Variants in CACNA2D3 observed in about 807,000 individuals in gnomAD.
CACNA2D3 encodes calcium voltage-gated channel auxiliary subunit alpha2delta 3.
In CACNA2D3, 60 loss-of-function variants were observed where a neutral mutation model predicts 160.6. That is an observed-to-expected ratio of 0.37 (90% CI 0.30 to 0.46). CACNA2D3 has a LOEUF of 0.46. CACNA2D3 is among the 20% of genes least tolerant of loss of function. CACNA2D3 has a pLI of 1.00. For synonymous variants in CACNA2D3, 558 were observed against 492.9 expected (o/e 1.13, Z -1.75); for missense variants, 1,205 against 1,365.0 (o/e 0.88, Z 1.85).
intron 5 of CACNA2D3, among the ~76,000 whole-genome samples, chr3:54,541,135 G>T (rs1170291334): frequency 4.0e-5 from 6 of 151,840 alleles, no homozygotes; most frequent in Non-Finnish European, 8.8e-5. Flanking sequence ...AAATTAGCCG[G>T]GCGTGGTGGC....
At chr3:54,626,316 G>T (rs188367726) in intron 9 of CACNA2D3, 695 of 1,551,142 alleles carry the variant, frequency 4.5e-4, no homozygotes, top group Non-Finnish European at 5.6e-4. Flanking sequence ...GGCTGATGCC[G>T]CTGTACAGTG....
At chr3:55,001,803 C>T (rs186605117) in intron 31 of CACNA2D3, among the ~76,000 whole-genome samples, 2 of 152,336 alleles carry the variant, frequency 1.3e-5, no homozygotes, top group East Asian at 1.9e-4. Context: ...CAGAACATCT[C>T]TGTAATTGTT....
chr3:54,922,863 A>G (rs1700894525), intron 27 of CACNA2D3, among the ~76,000 whole-genome samples: 1 of 151,994 alleles, frequency 6.6e-6, no homozygotes, highest in Admixed American at 6.6e-5. Context: ...TGAAGGCATC[A>G]CCATTTACTT....
chr3:54,455,385 A>G (rs1350888492), intron 4 of CACNA2D3, among the ~76,000 whole-genome samples: 1 of 152,086 alleles, frequency 6.6e-6, no homozygotes, highest in African/African-American at 2.4e-5. Flanking sequence ...ATGCCAGATT[A>G]TTTTGAGAGA....
chr3:54,987,648 T>G (rs1276968522), intron 30 of CACNA2D3, 35 bp from the exon 31 acceptor site: 1 of 1,413,302 alleles, frequency 7.1e-7, no homozygotes, highest in Non-Finnish European at 9.8e-7. Flanking sequence ...GCACATTATT[T>G]ATCTACACCT....
intron 9 of CACNA2D3, among the ~76,000 whole-genome samples, chr3:54,602,938 C>T (rs1335681482): frequency 6.6e-6 from 1 of 152,206 alleles, no homozygotes; most frequent in Admixed American, 6.5e-5. Context: ...AAAGCACCCA[C>T]CTCATAATCT....
chr3:54,715,367 C>T (rs1268090197), intron 11 of CACNA2D3, among the ~76,000 whole-genome samples: 3 of 152,168 alleles, frequency 2.0e-5, no homozygotes, highest in African/African-American at 7.2e-5. Flanking sequence ...TCTGGATGCA[C>T]CACACTCTAA....
At chr3:54,284,959 A>G (rs958218395) in intron 2 of CACNA2D3, among the ~76,000 whole-genome samples, 2 of 152,328 alleles carry the variant, frequency 1.3e-5, no homozygotes, top group Non-Finnish European at 2.9e-5. Flanking sequence ...ACCTACGAAG[A>G]TGGCCGAATA....
At chr3:54,813,945 G>A (rs1263457339) in intron 13 of CACNA2D3, among the ~76,000 whole-genome samples, 1 of 148,070 alleles carries the variant, frequency 6.8e-6, no homozygotes. Flanking sequence ...GCTCACAGCA[G>A]CCTCAACCTC....
At chr3:54,680,839 G>A (rs1295770547) in intron 11 of CACNA2D3, among the ~76,000 whole-genome samples, 1 of 152,194 alleles carries the variant, frequency 6.6e-6, no homozygotes, top group South Asian at 2.1e-4. Context: ...ATAATGGGTA[G>A]AAGTGAAAGA....
At chr3:54,967,681 G>A (rs1702182650) in intron 27 of CACNA2D3, among the ~76,000 whole-genome samples, 1 of 152,150 alleles carries the variant, frequency 6.6e-6, no homozygotes. Flanking sequence ...TTTACTTCCT[G>A]AGATGGTTTC....
intron 27 of CACNA2D3, among the ~76,000 whole-genome samples, chr3:54,948,044 C>T (rs1403141614): frequency 6.6e-6 from 1 of 152,178 alleles, no homozygotes; most frequent in Non-Finnish European, 1.5e-5. Context: ...TCCTTCAATA[C>T]AGGGCAGACC....
chr3:54,363,864 T>G (rs1698785305), intron 3 of CACNA2D3, among the ~76,000 whole-genome samples: 1 of 152,190 alleles, frequency 6.6e-6, no homozygotes, highest in Admixed American at 6.5e-5. Flanking sequence ...ACTGGCTTCC[T>G]TCTCCTCTTA....
At chr3:54,912,677 C>T (rs1700584138) in intron 27 of CACNA2D3, among the ~76,000 whole-genome samples, 1 of 152,052 alleles carries the variant, frequency 6.6e-6, no homozygotes, top group Admixed American at 6.6e-5. Flanking sequence ...TTCCATATCC[C>T]CAGCGTTCTC....
chr3:54,350,997 T>G (rs976315013), intron 3 of CACNA2D3, among the ~76,000 whole-genome samples: 7 of 120,996 alleles, frequency 5.8e-5, no homozygotes, highest in African/African-American at 1.8e-4. Context: ...TTTTTTTTTT[T>G]TTTTTTTTTG....
chr3:54,769,544 C>G (rs1575467005), intron 13 of CACNA2D3, among the ~76,000 whole-genome samples: 1 of 152,074 alleles, frequency 6.6e-6, no homozygotes, highest in Non-Finnish European at 1.5e-5. Flanking sequence ...GTTACTTAGC[C>G]TCTTTGAGTA....
At chr3:54,720,907 T>C (rs1202285553) in intron 11 of CACNA2D3, among the ~76,000 whole-genome samples, 1 of 152,170 alleles carries the variant, frequency 6.6e-6, no homozygotes, top group African/African-American at 2.4e-5. Flanking sequence ...AAGGACAAGA[T>C]ATACTAAAAA....
intron 5 of CACNA2D3, among the ~76,000 whole-genome samples, chr3:54,513,614 C>G (rs889460909): frequency 1.3e-5 from 2 of 152,184 alleles, no homozygotes; most frequent in African/African-American, 4.8e-5. Context: ...CCTCCCTATA[C>G]TGTGCATCTC....
chr3:54,634,625 G>A (rs951881201), intron 10 of CACNA2D3: 2 of 152,086 alleles, frequency 1.3e-5, no homozygotes, highest in African/African-American at 2.4e-5. Context: ...TATAGGATTT[G>A]GGTAGGTAAA....
Sources: allele counts gnomAD v4.1 joint callset (sites outside exome capture counted in the v4.1 genomes callset), GRCh38; gene constraint gnomAD v4.1.1; transcripts MANE v1.5; gene names NCBI Gene and HGNC (gene_info 2026-07-23, HGNC 2026-07-21).